Variants in CPNE4 observed in about 807,000 individuals in gnomAD.
CPNE4 encodes the protein copine 4.
A neutral mutation model predicts 67.9 loss-of-function variants in CPNE4; 25 were observed. The observed-to-expected ratio is 0.37, with a 90% confidence interval of 0.27 to 0.51. CPNE4 has a LOEUF of 0.51. CPNE4 is among the 20% of genes least tolerant of loss of function. The probability of loss-of-function intolerance (pLI) is 0.93; values close to 1 mark genes in which losing one functional copy is unlikely to be tolerated. For synonymous variants in CPNE4, 242 were observed against 244.9 expected (o/e 0.99, Z 0.11); for missense variants, 464 against 690.8 (o/e 0.67, Z 3.68).
chr3:131,739,924 C>T (rs1424980749), intron 2 of CPNE4, among the ~76,000 whole-genome samples: 1 of 152,226 alleles, frequency 6.6e-6, no homozygotes, highest in African/African-American at 2.4e-5. Flanking sequence ...ATCCCAGTTA[C>T]CTCTCTCTGT....
intron 11 of CPNE4, 22 bp from the exon 12 acceptor site, chr3:131,555,573 G>GA (rs1277098717): frequency 3.7e-5 from 60 of 1,604,438 alleles, no homozygotes; most frequent in Non-Finnish European, 4.7e-5. Flanking sequence ...ATGAAGAAAA[G>GA]AAAAAACAAG....
At chr3:131,771,223 T>G (rs557759038) in intron 2 of CPNE4, among the ~76,000 whole-genome samples, 19 of 152,234 alleles carry the variant, frequency 1.2e-4, no homozygotes, top group African/African-American at 4.6e-4. Flanking sequence ...TCTTTAAAAT[T>G]TTATTTTGTT....
intron 1 of CPNE4, among the ~76,000 whole-genome samples, chr3:131,941,605 TTTA>T (rs1199011885): frequency 6.6e-6 from 1 of 152,116 alleles, no homozygotes; most frequent in Admixed American, 6.6e-5. Context: ...TCTGTTGTAA[TTTA>T]TTGTTACTTT....
chr3:131,913,131 C>T (rs1458749188), intron 1 of CPNE4, among the ~76,000 whole-genome samples: 1 of 151,998 alleles, frequency 6.6e-6, no homozygotes, highest in Non-Finnish European at 1.5e-5. Context: ...GAGGGCTCCC[C>T]CCACTCCATC....
At chr3:131,790,447 A>C (rs997353785) in intron 2 of CPNE4, among the ~76,000 whole-genome samples, 11 of 152,122 alleles carry the variant, frequency 7.2e-5, no homozygotes, top group Non-Finnish European at 1.5e-4. Flanking sequence ...TTTGTTTGCC[A>C]GTCACTCCTT....
rs1320736382 is a variant in CPNE4 at position 132,034,840 on chromosome 3, G to C, written c.-275C>G. The C allele has an allele frequency of 4.1e-6, 4 of 985,474 alleles. No individual in the cohort carries two copies. Among genetic ancestry groups the C allele is most frequent in the Non-Finnish European group, 4.8e-6 (4 of 830,102 alleles). 61.0% of individuals were successfully genotyped at this position (985,474 alleles called of 1,614,324 possible). On this transcript the variant is annotated 5_prime_UTR_variant, in exon 1 of 16. Coordinates refer to ENST00000429747, the MANE Select transcript of CPNE4 (RefSeq NM_130808.3). ...GTGGGGGAAGAGGGTGAAAATGTTG[G>C]AGATGTCAGGTCGGCTCTCAGTTAA...
chr3:132,023,079 T>G (rs183761116), intron 1 of CPNE4, among the ~76,000 whole-genome samples: 2 of 152,208 alleles, frequency 1.3e-5, no homozygotes, highest in East Asian at 3.9e-4. Flanking sequence ...AGATAAAATA[T>G]CTATAGAACA....
chr3:131,614,744 A>C (rs975154712), intron 7 of CPNE4, among the ~76,000 whole-genome samples: 1 of 152,204 alleles, frequency 6.6e-6, no homozygotes, highest in African/African-American at 2.4e-5. Flanking sequence ...ACCAATGTAT[A>C]TGGCATTCAT....
At chr3:131,926,873 A>G (rs1560613536) in intron 1 of CPNE4, among the ~76,000 whole-genome samples, 1 of 152,152 alleles carries the variant, frequency 6.6e-6, no homozygotes, top group Non-Finnish European at 1.5e-5. Flanking sequence ...AGAAAGATAA[A>G]AAGCCCACTG....
chr3:131,970,064 TG>T (rs1398641148), intron 1 of CPNE4, among the ~76,000 whole-genome samples: 1 of 152,210 alleles, frequency 6.6e-6, no homozygotes, highest in East Asian at 1.9e-4. Flanking sequence ...CCCTGCCCTC[TG>T]AAATTTGGGT....
At chr3:131,700,053 C>CGT (rs1453079495) in intron 3 of CPNE4, 73 bp from the exon 4 acceptor site, 17 of 345,088 alleles carry the variant, frequency 4.9e-5, no homozygotes, top group Non-Finnish European at 6.6e-5. Flanking sequence ...ATTTTTTAAA[C>CGT]CTTTTTTTTT....
chr3:131,552,632 C>A, intron 12 of CPNE4, 141 bp from the exon 13 acceptor site: 1 of 618,258 alleles, frequency 1.6e-6, no homozygotes. Flanking sequence ...CCATTTCAAG[C>A]CTTTACACAA....
Position 131,695,722 on chromosome 3 carries a change from A to T in CPNE4, c.507+820T>A, listed in dbSNP as rs1383905998. 2.6e-5 allele frequency among the ~76,000 whole-genome samples: 4 copies of T among 152,230 alleles called. No individual in the cohort carries two copies. The East Asian group carries it at 7.7e-4, about 29-fold the overall frequency. ...AGTTCCCAGCACCTAGTTCATGCTC[A>T]TGTTAAGAATGGAGCAGTCTGTGAT... On this transcript the variant is annotated intron_variant, in intron 5 of 15. Transcript: ENST00000429747.
chr3:131,890,653 A>T (rs555782004), intron 2 of CPNE4, among the ~76,000 whole-genome samples: 4 of 152,196 alleles, frequency 2.6e-5, no homozygotes, highest in African/African-American at 7.2e-5. Flanking sequence ...TCTCATGTTC[A>T]TTGCAACATT....
chr3:131,653,179 C>T (rs1269015925), intron 7 of CPNE4, among the ~76,000 whole-genome samples: 5 of 130,852 alleles, frequency 3.8e-5, no homozygotes, highest in East Asian at 2.2e-4. Context: ...GACGGAGTCT[C>T]GCTCTGTCCA....
chr3:131,605,750 A>G (rs757543356), intron 7 of CPNE4, among the ~76,000 whole-genome samples: 3 of 152,164 alleles, frequency 2.0e-5, no homozygotes, highest in Non-Finnish European at 4.4e-5. Flanking sequence ...AAGTCTCAAT[A>G]TCTATGTAGA....
intron 5 of CPNE4, 59 bp from the exon 6 acceptor site, chr3:131,686,017 C>T: frequency 2.2e-6 from 2 of 910,296 alleles, no homozygotes; most frequent in Non-Finnish European, 3.5e-6. Context: ...TAGTCCTGAT[C>T]AATCAGGAAT....
chr3:131,600,287 A>T (rs577230071), intron 7 of CPNE4, among the ~76,000 whole-genome samples: 1 of 152,300 alleles, frequency 6.6e-6, no homozygotes, highest in South Asian at 2.1e-4. Context: ...CTTAGCTATT[A>T]TTAGCCTCAA....
chr3:131,778,486 C>T (rs768460207), intron 2 of CPNE4, among the ~76,000 whole-genome samples: 8 of 152,120 alleles, frequency 5.3e-5, no homozygotes, highest in South Asian at 2.1e-4. Context: ...GAATTATCAT[C>T]ATTACCACCA....
Sources: allele counts gnomAD v4.1 joint callset (sites outside exome capture counted in the v4.1 genomes callset), GRCh38; gene constraint gnomAD v4.1.1; transcripts MANE v1.5; gene names NCBI Gene and HGNC (gene_info 2026-07-23, HGNC 2026-07-21).